The following SLC35F4 variants were observed in gnomAD, a reference collection of about 807,000 sequenced individuals.
The protein encoded by SLC35F4 is solute carrier family 35 member F4.
SLC35F4 carries 24 observed loss-of-function variants against 44.2 expected under a neutral mutation model. The observed-to-expected ratio is 0.54, with a 90% confidence interval of 0.39 to 0.76. SLC35F4 has a LOEUF of 0.76. Among genes scored for constraint, SLC35F4 ranks in the 30% least tolerant of loss-of-function variants. The pLI, the probability that SLC35F4 is intolerant of heterozygous loss-of-function variation, is 0.00. For synonymous variants in SLC35F4, 238 were observed against 223.6 expected (o/e 1.06, Z -0.57); for missense variants, 562 against 586.1 (o/e 0.96, Z 0.42).
At chr14:57,889,323 A>T (rs1391107586) in intron 1 of SLC35F4, among the ~76,000 whole-genome samples, 6 of 152,226 alleles carry the variant, frequency 3.9e-5, no homozygotes, top group Non-Finnish European at 8.8e-5. Flanking sequence ...ACGGGGAAGC[A>T]CGAGCCATCT....
At chr14:57,981,594 T>C (rs1594669480) in intron 1 of SLC35F4, among the ~76,000 whole-genome samples, 1 of 152,266 alleles carries the variant, frequency 6.6e-6, no homozygotes, top group East Asian at 1.9e-4. Flanking sequence ...GGAGGAATGT[T>C]GTAATGTTAA....
At position 57,589,462 on chromosome 14, in the gene SLC35F4, A is replaced by T; in HGVS notation, c.341T>A (p.Ile114Asn). Residue 114 changes from isoleucine (I) to asparagine (N), a missense_variant, in exon 3 of 8, where the codon ATC becomes AAC. Physicochemically the swap from Ile to Asn is moderately radical, Grantham distance 149. Coordinates refer to ENST00000556826, the MANE Select transcript of SLC35F4 (RefSeq NM_001306087.2). Reference sequence around the variant, plus strand: ...CGTGCAGGACAGGCAGCGAGCCTTGATTCTGTTTTCTTGGCTGCTGTTCTC... The same window carrying T: ...CGTGCAGGACAGGCAGCGAGCCTTGTTTCTGTTTTCTTGGCTGCTGTTCTC... Reference protein sequence around the residue: ...HSENSSQENRIKARCLSCTSM... With the variant: ...HSENSSQENRNKARCLSCTSM... The T allele has an allele frequency of 3.1e-6, 5 of 1,613,752 alleles. No individual in the cohort carries two copies. The highest frequency in any genetic ancestry group is 4.2e-6 in the Non-Finnish European group (5 of 1,179,832).
chr14:57,762,962 T>C (rs1003256896), intron 1 of SLC35F4, among the ~76,000 whole-genome samples: 12 of 152,156 alleles, frequency 7.9e-5, no homozygotes, highest in African/African-American at 2.9e-4. Flanking sequence ...AATGTTTATC[T>C]AAAAGAAAAG....
At chr14:57,651,161 T>A (rs1390537348) in intron 1 of SLC35F4, among the ~76,000 whole-genome samples, 3 of 152,192 alleles carry the variant, frequency 2.0e-5, no homozygotes, top group African/African-American at 7.2e-5. Flanking sequence ...GTCAGTCTTG[T>A]TCACTACTAG....
At chr14:57,693,276 A>G (rs956385160) in intron 1 of SLC35F4, among the ~76,000 whole-genome samples, 2 of 152,208 alleles carry the variant, frequency 1.3e-5, no homozygotes, top group Non-Finnish European at 2.9e-5. Flanking sequence ...ATAAAATATT[A>G]TTTGTTGTTG....
At chr14:57,937,036 A>T (rs946009544) in intron 1 of SLC35F4, among the ~76,000 whole-genome samples, 1 of 151,090 alleles carries the variant, frequency 6.6e-6, no homozygotes, top group Admixed American at 6.6e-5. Context: ...TACATTTAGC[A>T]GCAGGAAATT....
At chr14:57,821,588 T>C (rs1883183525) in intron 1 of SLC35F4, among the ~76,000 whole-genome samples, 1 of 152,156 alleles carries the variant, frequency 6.6e-6, no homozygotes, top group Non-Finnish European at 1.5e-5. Context: ...TAATAACTTG[T>C]CCATTCAAGT....
intron 1 of SLC35F4, among the ~76,000 whole-genome samples, chr14:57,773,656 A>C (rs768233690): frequency 1.4e-5 from 1 of 73,146 alleles, no homozygotes; most frequent in Non-Finnish European, 2.4e-5. Flanking sequence ...GAAAATAGAC[A>C]AAAAAAAAAG....
At chr14:57,588,962 C>T (rs888477113) in intron 3 of SLC35F4, among the ~76,000 whole-genome samples, 2 of 152,044 alleles carry the variant, frequency 1.3e-5, no homozygotes, top group Admixed American at 1.3e-4. Context: ...GGGATAACAC[C>T]ACCTTAAAAT....
intron 1 of SLC35F4, among the ~76,000 whole-genome samples, chr14:57,878,597 C>T (rs532981659): frequency 2.0e-5 from 3 of 152,296 alleles, no homozygotes; most frequent in East Asian, 1.9e-4. Flanking sequence ...ACACTCTCTC[C>T]CTCAACTCTT....
At chr14:57,966,127 C>T (rs1347626924) in intron 1 of SLC35F4, among the ~76,000 whole-genome samples, 1 of 152,184 alleles carries the variant, frequency 6.6e-6, no homozygotes, top group African/African-American at 2.4e-5. Context: ...GACGCTGATG[C>T]AAGCTAAAGC....
At chr14:57,917,602 A>C (rs1889354843) in intron 1 of SLC35F4, among the ~76,000 whole-genome samples, 1 of 152,172 alleles carries the variant, frequency 6.6e-6, no homozygotes, top group South Asian at 2.1e-4. Flanking sequence ...ATCAGCCTTT[A>C]GTAATATAGT....
intron 1 of SLC35F4, among the ~76,000 whole-genome samples, chr14:57,701,806 A>G (rs1464223578): frequency 4.6e-5 from 7 of 152,218 alleles, no homozygotes; most frequent in Non-Finnish European, 1.0e-4. Context: ...CTATAATAAA[A>G]GTTATATGAA....
Position 57,865,650 on chromosome 14 carries a change from C to A in SLC35F4, c.103+73G>T, listed in dbSNP as rs72624732. On this transcript the variant is annotated intron_variant, in intron 1 of 7. Transcript: ENST00000556826. ...TGTCCGTACCGCGCGCCCGCCCGTCCGCATCCCCGCGGCACCCCTGCGCGC... is the reference window on the plus strand; with the variant it reads ...TGTCCGTACCGCGCGCCCGCCCGTCAGCATCCCCGCGGCACCCCTGCGCGC... 29,050 of 1,304,714 alleles carry A rather than the reference C, an allele frequency of 0.022. 2,874 individuals carry two copies. The East Asian group carries it at 0.39, about 17-fold the overall frequency. The allele number at this position is 1,304,714 out of a possible 1,614,324, so 80.8% of individuals were successfully genotyped here.
chr14:57,806,805 A>G lies in SLC35F4; in HGVS notation c.103+58918T>C, dbSNP rs564073731. Among the ~76,000 whole-genome samples, 30 of 152,350 alleles carry G rather than the reference A, an allele frequency of 2.0e-4. No homozygotes were observed. In the East Asian group the frequency reaches 5.2e-3, roughly 26 times the overall value. ...GGTTTTTTAAAATCAAAATTCCTAC[A>G]TTGCAAATGTAATTTTGAATATATC... On this transcript the variant is annotated intron_variant, in intron 1 of 7. Transcript: ENST00000556826.
At chr14:57,675,606 A>G (rs2074667244) in intron 1 of SLC35F4, among the ~76,000 whole-genome samples, 1 of 152,024 alleles carries the variant, frequency 6.6e-6, no homozygotes, top group South Asian at 2.1e-4. Flanking sequence ...CTCAGGGGCA[A>G]TGCTTTCAGC....
At chr14:57,660,523 T>TC (rs2074103890) in intron 1 of SLC35F4, among the ~76,000 whole-genome samples, 3 of 144,904 alleles carry the variant, frequency 2.1e-5, no homozygotes, top group Middle Eastern at 3.4e-3. Context: ...CCTTGTGTGG[T>TC]CACATGGGGA....
chr14:57,806,337 C>T (rs959438622), intron 1 of SLC35F4, among the ~76,000 whole-genome samples: 1 of 151,940 alleles, frequency 6.6e-6, no homozygotes. Context: ...TTGACATTGC[C>T]TTATAGTATA....
chr14:57,979,059 A>G (rs1287403959), intron 1 of SLC35F4, among the ~76,000 whole-genome samples: 1 of 152,182 alleles, frequency 6.6e-6, no homozygotes, highest in Non-Finnish European at 1.5e-5. Flanking sequence ...AACAACCATG[A>G]CTGGACAAAA....
Sources: gnomAD v4.1 joint callset for allele counts (sites outside exome capture counted in the v4.1 genomes callset) on GRCh38, gnomAD v4.1.1 for gene constraint, MANE v1.5 for transcripts, NCBI Gene and HGNC (gene_info 2026-07-23, HGNC 2026-07-21) for gene names.